Variants in JAKMIP1 observed in about 807,000 individuals in gnomAD.
JAKMIP1 encodes janus kinase and microtubule-interacting protein 1.
In JAKMIP1, 33 loss-of-function variants were observed where a neutral mutation model predicts 113.0. The observed-to-expected ratio is 0.29, with a 90% CI of 0.22 to 0.39. The LOEUF is 0.39. JAKMIP1 is among the 10% of genes least tolerant of loss of function. The pLI is 1.00. For missense variants in JAKMIP1, 813 were observed against 1,080.5 expected (o/e 0.75, Z 3.47); for synonymous variants, 480 against 459.9 (o/e 1.04, Z -0.56).
In JAKMIP1 at chr4:6,116,528, T is replaced by C. The variant is rs1715811664; in HGVS notation, c.-147-3531A>G. On this transcript the variant is annotated intron_variant, in intron 1 of 20. Coordinates refer to ENST00000409021, the MANE Select transcript of JAKMIP1 (RefSeq NM_001099433.2). This position sits in a 1 kb window ranked among gnomAD's most constrained non-coding sequence, Gnocchi z 5.1. ...TTGGACCTGCTGACCCTGGACCTTG[T>C]CTGGCATATAGGCCAAGGTTGGCAA... is the stretch of plus-strand genomic sequence containing the variant. Among the ~76,000 whole-genome samples, 2 of 152,178 alleles carry C rather than the reference T, an allele frequency of 1.3e-5. No homozygotes were observed. The highest frequency in any genetic ancestry group is 2.9e-5 in the Non-Finnish European group (2 of 68,040).
Position 6,185,338 on chromosome 4 carries a change from G to A in JAKMIP1, c.-148+14915C>T, listed in dbSNP as rs1241363779. On this transcript the variant is annotated intron_variant, in intron 1 of 20. Coordinates refer to ENST00000409021, the MANE Select transcript of JAKMIP1 (RefSeq NM_001099433.2). The surrounding 1 kb of genome is among the most constrained non-coding windows in gnomAD (Gnocchi z 5.3). The stretch of plus-strand genomic sequence containing the variant: ...CTGGAGAGTGTATTGGAATTGCTCC[G>A]AGGGCTCATTAAAAGCCAGACCCCA... Among the ~76,000 whole-genome samples the A allele has an allele frequency of 4.6e-5, 7 of 152,220 alleles. No homozygotes were observed. The highest frequency in any genetic ancestry group is 1.9e-4 in the East Asian group (1 of 5,180).
chr4:6,031,581 C>T lies in JAKMIP1; in HGVS notation c.2380-1800G>A, dbSNP rs1578032565. ...GGCCAAGAGGCCTTTGGTGGGGGGTCGGGGACAGAGCTCAGAGGGTCTGGA... is the reference window on the plus strand; with the variant it reads ...GGCCAAGAGGCCTTTGGTGGGGGGTTGGGGACAGAGCTCAGAGGGTCTGGA... On this transcript the variant is annotated intron_variant, in intron 19 of 20. Transcript: ENST00000409021. This position sits in a 1 kb window ranked among gnomAD's most constrained non-coding sequence, Gnocchi z 4.4. Among the ~76,000 whole-genome samples the T allele has an allele frequency of 1.3e-5, 2 of 151,934 alleles. No individual in the cohort carries two copies. Among genetic ancestry groups the T allele is most frequent in the African/African-American group, 4.8e-5 (2 of 41,374 alleles).
In JAKMIP1 at chr4:6,098,466, C is replaced by A. The variant is rs548604602; in HGVS notation, c.624+7007G>T. 2.3e-5 allele frequency among the ~76,000 whole-genome samples: 3 copies of A among 128,014 alleles called. No individual in the cohort carries two copies. The East Asian group carries it at 6.6e-4, about 28-fold the overall frequency. The allele number at this position is 128,014 out of a possible 152,430, so 84.0% of individuals were successfully genotyped here. Reference sequence around the variant, plus strand: ...AAGGAAGGGAGGGAGGGAGGAAGGGCAGGAGGGAAGGAAAGAAAGAAAAGA... The same window carrying A: ...AAGGAAGGGAGGGAGGGAGGAAGGGAAGGAGGGAAGGAAAGAAAGAAAAGA... On this transcript the variant is annotated intron_variant, in intron 3 of 20. Coordinates refer to ENST00000409021, the MANE Select transcript of JAKMIP1 (RefSeq NM_001099433.2).
chr4:6,111,542 C>T (rs753849437), intron 2 of JAKMIP1, among the ~76,000 whole-genome samples: 11 of 152,188 alleles, frequency 7.2e-5, no homozygotes, highest in Non-Finnish European at 1.5e-4. Context: ...CATCTTAAAC[C>T]GGACAGCTAT....
Position 6,179,074 on chromosome 4 carries a change from G to A in JAKMIP1, c.-148+21179C>T, listed in dbSNP as rs567147042. ...AAACTGGGCTATATGTCCAGAGAGT[G>A]GTTGGGGAAAGACTAGAATGTGCTT... On this transcript the variant is annotated intron_variant, in intron 1 of 20. Coordinates refer to ENST00000409021, the MANE Select transcript of JAKMIP1 (RefSeq NM_001099433.2). This position sits in a 1 kb window ranked among gnomAD's most constrained non-coding sequence, Gnocchi z 4.5. Among the ~76,000 whole-genome samples the A allele has an allele frequency of 2.2e-4, 33 of 152,332 alleles. No homozygotes were observed. In the South Asian group the frequency reaches 6.6e-3, roughly 31 times the overall value.
chr4:6,057,091 G>A lies in JAKMIP1; in HGVS notation c.1645-332C>T, dbSNP rs573942352. Among the ~76,000 whole-genome samples the A allele has an allele frequency of 1.4e-4, 22 of 152,230 alleles. No individual in the cohort carries two copies. In the South Asian group the frequency reaches 1.9e-3, roughly 13 times the overall value. Reference sequence around the variant, plus strand: ...ATGCGGAAGGCTGACCTCATACCCCGCAGACTGGCCAGAGCCACACTGACA... The same window carrying A: ...ATGCGGAAGGCTGACCTCATACCCCACAGACTGGCCAGAGCCACACTGACA... On this transcript the variant is annotated intron_variant, in intron 11 of 20. Transcript: ENST00000409021.
chr4:6,039,464 T>C (rs796358432), intron 18 of JAKMIP1, among the ~76,000 whole-genome samples: 41 of 152,256 alleles, frequency 2.7e-4, no homozygotes, highest in African/African-American at 9.6e-4. Context: ...TCACATTCCT[T>C]GGAGTTTTTT....
chr4:6,137,896 G>A lies in JAKMIP1; in HGVS notation c.-147-24899C>T, dbSNP rs955149127. On this transcript the variant is annotated intron_variant, in intron 1 of 20. Transcript: ENST00000409021. The surrounding 1 kb of genome is among the most constrained non-coding windows in gnomAD (Gnocchi z 4.5). ...ACCATGGCCTTCTCCTTCCTGGCAT[G>A]GGCCTGGCAGACAAGGTGTGCTCTG... Among the ~76,000 whole-genome samples, 1 of 152,216 alleles carries A rather than the reference G, an allele frequency of 6.6e-6. No homozygotes were observed. The highest frequency in any genetic ancestry group is 2.4e-5 in the African/African-American group (1 of 41,450).
rs1040907288 is a variant in JAKMIP1, at chr4:6,045,358, T to C, written c.2029-3131A>G. On this transcript the variant is annotated intron_variant, in intron 16 of 20. Coordinates refer to ENST00000409021, the MANE Select transcript of JAKMIP1 (RefSeq NM_001099433.2). The stretch of plus-strand genomic sequence containing the variant: ...CAGGTTCTCTGTGGGGCACGTGCCA[T>C]GTGCCGAGGTGAGTGAGACCTTGCC... Among the ~76,000 whole-genome samples, 5 of 152,358 alleles carry C rather than the reference T, an allele frequency of 3.3e-5. 1 individual carries two copies. The highest frequency in any genetic ancestry group is 7.2e-5 in the African/African-American group (3 of 41,590).
intron 3 of JAKMIP1, among the ~76,000 whole-genome samples, chr4:6,098,573 AGAAAGAAAGAAG>A (rs1712288582): frequency 2.7e-5 from 2 of 74,784 alleles, no homozygotes; most frequent in African/African-American, 4.0e-5. Flanking sequence ...AAAGAAAGAA[AGAAAGAAAGAAG>A]GAAAGGAAGA....
In JAKMIP1 at chr4:6,179,803, G is replaced by C. The variant is rs892717855; in HGVS notation, c.-148+20450C>G. 7.9e-5 allele frequency among the ~76,000 whole-genome samples: 12 copies of C among 152,194 alleles called. 2 individuals are homozygous for C. On this transcript the variant is annotated intron_variant, in intron 1 of 20. Transcript: ENST00000409021. This position sits in a 1 kb window ranked among gnomAD's most constrained non-coding sequence, Gnocchi z 4.5. ...ATCCTCAAAGCCTCCTTGTAAAACA[G>C]GTAGCAATATTATCCCCATATGACA... is the stretch of plus-strand genomic sequence containing the variant.
In JAKMIP1 at chr4:6,194,842, G is replaced by C. The variant is rs1339602243; in HGVS notation, c.-148+5411C>G. 1.3e-5 allele frequency among the ~76,000 whole-genome samples: 2 copies of C among 152,180 alleles called. No individual in the cohort carries two copies. Among genetic ancestry groups the C allele is most frequent in the Non-Finnish European group, 2.9e-5 (2 of 68,034 alleles). On this transcript the variant is annotated intron_variant, in intron 1 of 20. Transcript: ENST00000409021. The surrounding 1 kb of genome is among the most constrained non-coding windows in gnomAD (Gnocchi z 7.4). ...CCAGGTCCTCCCAGGCCAGTTGGGA[G>C]TTTTAGGATGTGCAGTGGGTCCTGA... is the stretch of plus-strand genomic sequence containing the variant.
chr4:6,178,918 AG>A lies in JAKMIP1; in HGVS notation c.-148+21334del, dbSNP rs537349369. On this transcript the variant is annotated intron_variant, in intron 1 of 20. Transcript: ENST00000409021. This position sits in a 1 kb window ranked among gnomAD's most constrained non-coding sequence, Gnocchi z 5.5. ...ACCAGCTGTCTCCCTGCCCCGGCAC[AG>A]TGCCTGGCTCGGAGAGCACACTCGG... Among the ~76,000 whole-genome samples, 38 of 152,274 alleles carry A rather than the reference AG, an allele frequency of 2.5e-4. No individual in the cohort carries two copies. In the East Asian group the frequency reaches 7.3e-3, roughly 29 times the overall value.
At chr4:6,079,117 T>A in intron 7 of JAKMIP1, 119 bp from the exon 8 acceptor site, 1 of 956,014 alleles carries the variant, frequency 1.0e-6, no homozygotes, top group Non-Finnish European at 1.7e-6. Context: ...TAGTTGAAGT[T>A]CTAAGTGCCC....
At chr4:6,063,515 C>G (rs1717611635) in intron 9 of JAKMIP1, among the ~76,000 whole-genome samples, 1 of 152,220 alleles carries the variant, frequency 6.6e-6, no homozygotes, top group South Asian at 2.1e-4. Context: ...CTCCCTCCAG[C>G]CGGCACTTGG....
At chr4:6,032,687 CAAAACA>C (rs1014142865) in intron 19 of JAKMIP1, among the ~76,000 whole-genome samples, 3 of 152,012 alleles carry the variant, frequency 2.0e-5, no homozygotes, top group Admixed American at 6.6e-5. Context: ...CAAAACAAAA[CAAAACA>C]AAACAAAGCA....
chr4:6,161,894 A>T lies in JAKMIP1; in HGVS notation c.-148+38359T>A, dbSNP rs80221379. 9.9e-3 allele frequency among the ~76,000 whole-genome samples: 1,511 copies of T among 152,156 alleles called. 18 individuals are homozygous for T. Among genetic ancestry groups the T allele is most frequent in the African/African-American group, 0.035 (1,438 of 41,520 alleles). On this transcript the variant is annotated intron_variant, in intron 1 of 20. Coordinates refer to ENST00000409021, the MANE Select transcript of JAKMIP1 (RefSeq NM_001099433.2). Reference sequence around the variant, plus strand: ...TGGTGCAGAGGTGATGAAAAACAAGATATGTTTGAAAGCTTTCTTGCTGGG... The same window carrying T: ...TGGTGCAGAGGTGATGAAAAACAAGTTATGTTTGAAAGCTTTCTTGCTGGG...
intron 8 of JAKMIP1, among the ~76,000 whole-genome samples, chr4:6,072,275 A>T (rs74771152): frequency 0.02 from 3,010 of 152,294 alleles, 106 homozygotes; most frequent in African/African-American, 0.068. Flanking sequence ...TCATCTTTGG[A>T]GAAAGGCTCA....
At chr4:6,132,668 C>G (rs969354158) in intron 1 of JAKMIP1, among the ~76,000 whole-genome samples, 1 of 144,742 alleles carries the variant, frequency 6.9e-6, no homozygotes, top group African/African-American at 2.6e-5. Flanking sequence ...AAAAAGAAAG[C>G]AGAAAAGGAG....
Sources: gnomAD v4.1 joint callset for allele counts (sites outside exome capture counted in the v4.1 genomes callset) on GRCh38, gnomAD v4.1.1 for gene constraint, Gnocchi (gnomAD v3.1) non-coding constraint, MANE v1.5 for transcripts, NCBI Gene and HGNC (gene_info 2026-07-23, HGNC 2026-07-21) for gene names.